Variants in MELK observed in about 807,000 individuals in gnomAD.
MELK encodes the protein pEg3 kinase.
Under a neutral mutation model 85.0 loss-of-function variants are expected in MELK, and 81 were observed. The observed-to-expected ratio is 0.95, with a 90% CI of 0.80 to 1.15. MELK has a LOEUF of 1.15. Among genes scored for constraint, MELK ranks in the 50% most tolerant of loss-of-function variants. The pLI, the probability that MELK is intolerant of heterozygous loss-of-function variation, is 0.00. For synonymous variants in MELK, 252 were observed against 265.0 expected (o/e 0.95, Z 0.48); for missense variants, 754 against 777.5 (o/e 0.97, Z 0.36).
At position 36,655,598 on chromosome 9, in the gene MELK, G is replaced by A. The variant is rs1831169367; in HGVS notation, c.1054-1643G>A. On this transcript the variant is annotated intron_variant, in intron 12 of 17. Coordinates refer to ENST00000298048, the MANE Select transcript of MELK (RefSeq NM_014791.4). ...GAGCCATTGATTTGTGAGCAAGAGAGAGAGAAATGAACATGATTTTGAAAA... is the reference window on the plus strand; with the variant it reads ...GAGCCATTGATTTGTGAGCAAGAGAAAGAGAAATGAACATGATTTTGAAAA... Among the ~76,000 whole-genome samples the A allele has an allele frequency of 2.6e-5, 4 of 152,172 alleles. No homozygotes were observed. In the South Asian group the frequency reaches 8.3e-4, roughly 32 times the overall value.
intron 12 of MELK, among the ~76,000 whole-genome samples, chr9:36,655,969 T>A (rs1018554750): frequency 2.0e-5 from 3 of 151,954 alleles, no homozygotes; most frequent in Non-Finnish European, 4.4e-5. Context: ...TATAAGAAAT[T>A]CAAGTAAAAT....
At chr9:36,630,938 G>A (rs551695820) in intron 9 of MELK, among the ~76,000 whole-genome samples, 13 of 148,774 alleles carry the variant, frequency 8.7e-5, no homozygotes, top group Admixed American at 2.0e-4. Context: ...ATAGGCGTGA[G>A]CCTCTACACC....
intron 12 of MELK, among the ~76,000 whole-genome samples, chr9:36,656,558 G>A (rs536570875): frequency 1.3e-5 from 2 of 152,032 alleles, no homozygotes; most frequent in African/African-American, 4.8e-5. Flanking sequence ...TAAAGACAAC[G>A]TTGGACTGCA....
chr9:36,655,207 G>A (rs1587583683), intron 12 of MELK, among the ~76,000 whole-genome samples: 1 of 152,122 alleles, frequency 6.6e-6, no homozygotes, highest in East Asian at 1.9e-4. Flanking sequence ...AGATAATACT[G>A]CATCATAGTA....
intron 8 of MELK, among the ~76,000 whole-genome samples, chr9:36,610,182 C>T (rs1825948057): frequency 6.6e-6 from 1 of 152,110 alleles, no homozygotes; most frequent in Non-Finnish European, 1.5e-5. Flanking sequence ...GAGGAGACTA[C>T]CTAAAGCAAC....
Position 36,643,208 on chromosome 9 carries a change from C to T in MELK, c.921+125C>T, listed in dbSNP as rs112799457. 6,836 of 648,004 alleles carry T rather than the reference C, an allele frequency of 0.011. 347 individuals are homozygous for T. The African/African-American group carries it at 0.11, about 10-fold the overall frequency. The allele number at this position is 648,004 out of a possible 1,614,324, so 40.1% of individuals were successfully genotyped here. ...GACCAGCCTGGCCAATGTGGTGAAA[C>T]CCCATCTCTACTGAAAATACAAAAA... On this transcript the variant is annotated intron_variant, in intron 11 of 17. Coordinates refer to ENST00000298048, the MANE Select transcript of MELK (RefSeq NM_014791.4).
intron 10 of MELK, among the ~76,000 whole-genome samples, chr9:36,637,001 T>G (rs886202695): frequency 6.6e-6 from 1 of 151,638 alleles, no homozygotes; most frequent in Non-Finnish European, 1.5e-5. Context: ...CCCGGCTAAT[T>G]TTTTGTGTTT....
intron 8 of MELK, among the ~76,000 whole-genome samples, chr9:36,608,398 T>G (rs1825765913): frequency 6.6e-6 from 1 of 150,386 alleles, no homozygotes; most frequent in South Asian, 2.1e-4. Flanking sequence ...ATGTATAAAT[T>G]AAACTTTATC....
chr9:36,666,114 T>C (rs915078072), intron 14 of MELK, among the ~76,000 whole-genome samples: 1 of 152,228 alleles, frequency 6.6e-6, no homozygotes, highest in African/African-American at 2.4e-5. Flanking sequence ...TATCTGTCTT[T>C]GTCCAGTTAT....
intron 15 of MELK, among the ~76,000 whole-genome samples, chr9:36,670,417 G>A (rs553226111): frequency 6.6e-6 from 1 of 152,050 alleles, no homozygotes; most frequent in South Asian, 2.1e-4. Context: ...TTGTCTTTAT[G>A]GAAGACAACA....
intron 7 of MELK, among the ~76,000 whole-genome samples, chr9:36,602,076 G>A (rs1005245010): frequency 3.3e-5 from 5 of 151,950 alleles, no homozygotes; most frequent in African/African-American, 1.2e-4. Context: ...AATTCTTTTG[G>A]GTATATATTC....
At chr9:36,660,371 CCAGTGGTGTGATCATGGCT>C (rs1319385203) in intron 13 of MELK, among the ~76,000 whole-genome samples, 2 of 151,984 alleles carry the variant, frequency 1.3e-5, no homozygotes, top group Admixed American at 1.3e-4. Flanking sequence ...AGGCTGGAGT[CCAGTGGTGTGATCATGGCT>C]CACTGCAGCC....
Position 36,583,716 on chromosome 9 carries a change from A to C in MELK, c.144+4A>C. On this transcript the variant is annotated splice_donor_region_variant and intron_variant, in intron 3 of 17. Transcript: ENST00000298048. ...CATGGATAAAAACACACTAGGGGTAAGTTTAGATTTATTTAAAAAATAGTC... is the reference window on the plus strand; with the variant it reads ...CATGGATAAAAACACACTAGGGGTACGTTTAGATTTATTTAAAAAATAGTC... 6.3e-7 allele frequency: 1 copy of C among 1,590,696 alleles called. No homozygotes were observed. The highest frequency in any genetic ancestry group is 1.7e-5 in the Admixed American group (1 of 59,356).
intron 8 of MELK, among the ~76,000 whole-genome samples, chr9:36,629,769 T>C (rs1828332629): frequency 6.6e-6 from 1 of 152,132 alleles, no homozygotes; most frequent in Admixed American, 6.5e-5. Context: ...CTCTAGCCCT[T>C]CTCTGATATG....
At chr9:36,594,374 C>G (rs1016117022) in intron 4 of MELK, among the ~76,000 whole-genome samples, 43 of 152,258 alleles carry the variant, frequency 2.8e-4, no homozygotes, top group Admixed American at 7.8e-4. Context: ...TTTTTAAAAT[C>G]ACAGTGGTAG....
At chr9:36,651,721 C>T (rs1265702303) in intron 11 of MELK, 25 bp from the exon 12 acceptor site, 1 of 1,604,372 alleles carries the variant, frequency 6.2e-7, no homozygotes. Flanking sequence ...AATCTTCTAA[C>T]CAACTTGATT....
intron 10 of MELK, among the ~76,000 whole-genome samples, chr9:36,640,601 C>T (rs1016605432): frequency 1.3e-5 from 2 of 152,018 alleles, no homozygotes; most frequent in South Asian, 2.1e-4. Flanking sequence ...TGTGAGCCAT[C>T]GCACCTGGCT....
intron 13 of MELK, among the ~76,000 whole-genome samples, chr9:36,658,031 C>G (rs74942479): frequency 4.4e-4 from 67 of 151,836 alleles, no homozygotes; most frequent in African/African-American, 1.4e-3. Flanking sequence ...TAAAACAGTT[C>G]CGTTACTCCT....
In MELK at chr9:36,665,336, C is replaced by CTTTTTTTT; in HGVS notation, c.1177-12_1177-5dup. The CTTTTTTTT allele has an allele frequency of 6.5e-7, 1 of 1,529,094 alleles. No individual in the cohort carries two copies. The highest frequency in any genetic ancestry group is 8.9e-7 in the Non-Finnish European group (1 of 1,119,192). The allele number at this position is 1,529,094 out of a possible 1,614,324, so 94.7% of individuals were successfully genotyped here. A position where few individuals can be genotyped will look rare whatever the true frequency, so the allele number is the denominator to read the frequency against. Reference sequence around the variant, plus strand: ...TTCTTCAGTGTGCTTTATCTAGTAACTTTTTTTTTCCAGTTTACCAAGTAC... The same window carrying CTTTTTTTT: ...TTCTTCAGTGTGCTTTATCTAGTAACTTTTTTTTTTTTTTTTTCCAGTTTACCAAGTAC... On this transcript the variant is annotated splice_polypyrimidine_tract_variant and intron_variant, in intron 13 of 17. Transcript: ENST00000298048.
Sources: gnomAD v4.1 joint callset for allele counts (sites outside exome capture counted in the v4.1 genomes callset) on GRCh38, gnomAD v4.1.1 for gene constraint, MANE v1.5 for transcripts, NCBI Gene and HGNC (gene_info 2026-07-23, HGNC 2026-07-21) for gene names.